Variants in IQSEC1 observed in about 807,000 individuals in gnomAD.
The protein encoded by IQSEC1 is IQ motif and SEC7 domain-containing protein 1.
A neutral mutation model predicts 91.0 loss-of-function variants in IQSEC1; 31 were observed. That is an observed-to-expected ratio of 0.34 (90% CI 0.26 to 0.46). The LOEUF (loss-of-function observed/expected upper bound fraction) is 0.46. Among genes scored for constraint, IQSEC1 ranks in the 20% least tolerant of loss-of-function variants. The probability of loss-of-function intolerance (pLI) is 1.00; values close to 1 mark genes in which losing one functional copy is unlikely to be tolerated. For missense variants in IQSEC1, 1,388 were observed against 1,575.6 expected, an observed-to-expected ratio of 0.88 and a Z score of 2.02; for synonymous variants, 699 against 662.6, an observed-to-expected ratio of 1.05 and a Z score of -0.84.
At chr3:13,179,667 C>G (rs1158094139) in intron 1 of IQSEC1, among the ~76,000 whole-genome samples, 1 of 152,290 alleles carries the variant, frequency 6.6e-6, no homozygotes, top group African/African-American at 2.4e-5. Flanking sequence ...CTTGAGGAGC[C>G]CTTCAGCCTG....
At chr3:13,275,627 T>C (rs1695664150) in intron 1 of IQSEC1, among the ~76,000 whole-genome samples, 1 of 152,246 alleles carries the variant, frequency 6.6e-6, no homozygotes, top group Admixed American at 6.5e-5. Context: ...AGGAAGCCTC[T>C]GCTGACACCC....
intron 1 of IQSEC1, among the ~76,000 whole-genome samples, chr3:13,025,573 C>A (rs752808031): frequency 4.3e-4 from 66 of 152,298 alleles, no homozygotes; most frequent in African/African-American, 1.4e-3. Context: ...GGCCTCTAGG[C>A]CTTGCTGAAT....
In IQSEC1 at chr3:12,897,926, G is replaced by A. The variant is rs1575817265; in HGVS notation, c.*3057C>T. 6.6e-6 allele frequency: 1 copy of A among 152,302 alleles called. No individual in the cohort carries two copies. Among genetic ancestry groups the A allele is most frequent in the East Asian group, 1.9e-4 (1 of 5,190 alleles). The allele number at this position is 152,302 out of a possible 1,614,324, so 9.4% of individuals were successfully genotyped here. A position where few individuals can be genotyped will look rare whatever the true frequency, so the allele number is the denominator to read the frequency against. ...TTTTACATTGTTGTACAATTCATTG[G>A]TAAACTTAAAAAAATACAAATACAT... On this transcript the variant is annotated 3_prime_UTR_variant, in exon 14 of 14. Coordinates refer to ENST00000613206, the MANE Select transcript of IQSEC1 (RefSeq NM_001134382.3).
In IQSEC1 at chr3:12,900,945, A is replaced by AGGTGTTTCAGGGAGCCT; in HGVS notation, c.*21_*37dup. 1 of 1,538,936 alleles carries AGGTGTTTCAGGGAGCCT rather than the reference A, an allele frequency of 6.5e-7. No homozygotes were observed. The highest frequency in any genetic ancestry group is 8.7e-7 in the Non-Finnish European group (1 of 1,146,236). On this transcript the variant is annotated 3_prime_UTR_variant, in exon 14 of 14. Transcript: ENST00000613206. ...CCCGGGCGTGCCCTGTGTGGTGTGC[A>AGGTGTTTCAGGGAGCCT]GGTGTTTCAGGGAGCCTGGGACCCC...
intron 2 of IQSEC1, among the ~76,000 whole-genome samples, chr3:13,127,565 C>A (rs1706538194): frequency 1.6e-5 from 2 of 124,512 alleles, no homozygotes; most frequent in African/African-American, 3.9e-5. Context: ...AGTGAGTCCT[C>A]CTATTTATTT....
At chr3:13,262,960 G>A (rs576087234) in intron 1 of IQSEC1, among the ~76,000 whole-genome samples, 2 of 152,268 alleles carry the variant, frequency 1.3e-5, no homozygotes, top group African/African-American at 4.8e-5. Context: ...TCTGGAGCTC[G>A]GTGGTGAACA....
intron 2 of IQSEC1, among the ~76,000 whole-genome samples, chr3:13,090,998 T>C (rs1191199163): frequency 6.6e-6 from 1 of 152,142 alleles, no homozygotes; most frequent in East Asian, 1.9e-4. Context: ...GGAAGATTAA[T>C]TTGGATTTGG....
At chr3:13,115,915 C>T (rs1706327354) in intron 2 of IQSEC1, among the ~76,000 whole-genome samples, 1 of 152,228 alleles carries the variant, frequency 6.6e-6, no homozygotes. Context: ...TTCCCATTCT[C>T]CAGCAACCAA....
intron 2 of IQSEC1, among the ~76,000 whole-genome samples, chr3:13,122,584 G>C (rs1300903050): frequency 6.6e-6 from 1 of 152,142 alleles, no homozygotes; most frequent in Non-Finnish European, 1.5e-5. Flanking sequence ...AGTGAGGTAG[G>C]GGCAGTGTGT....
chr3:12,915,852 C>T (rs1696034648), intron 6 of IQSEC1, 119 bp from the exon 7 acceptor site: 2 of 1,153,654 alleles, frequency 1.7e-6, no homozygotes, highest in African/African-American at 3.1e-5. Context: ...AAAGAACTCC[C>T]AGGCAGGCCC....
At chr3:12,920,827 C>T (rs944688465) in intron 5 of IQSEC1, among the ~76,000 whole-genome samples, 1 of 152,210 alleles carries the variant, frequency 6.6e-6, no homozygotes, top group Non-Finnish European at 1.5e-5. Flanking sequence ...GGGAGGACTA[C>T]ATTTCCCAGC....
chr3:13,257,582 G>C (rs942536157), intron 1 of IQSEC1, among the ~76,000 whole-genome samples: 3 of 152,138 alleles, frequency 2.0e-5, no homozygotes, highest in Non-Finnish European at 4.4e-5. Flanking sequence ...CATCTTCCTC[G>C]TTTGAGCTCA....
chr3:13,224,895 A>G (rs28397040), intron 1 of IQSEC1, among the ~76,000 whole-genome samples: 32,825 of 152,184 alleles, frequency 0.22, 5,304 homozygotes, highest in African/African-American at 0.44. Flanking sequence ...TCAGCAAAGC[A>G]TACCGGATGC....
At chr3:13,124,776 TC>T (rs11340110) in intron 2 of IQSEC1, among the ~76,000 whole-genome samples, 74,248 of 151,824 alleles carry the variant, frequency 0.49, 20,185 homozygotes, top group African/African-American at 0.74. Flanking sequence ...AGCTCCTGGA[TC>T]CCCCCCAGAC....
intron 1 of IQSEC1, among the ~76,000 whole-genome samples, chr3:12,986,672 G>A (rs1464609640): frequency 6.6e-6 from 1 of 152,200 alleles, no homozygotes; most frequent in African/African-American, 2.4e-5. Context: ...AGGCACCAGG[G>A]TCTAGGGGGC....
At chr3:13,184,037 A>G (rs1478694008) in intron 1 of IQSEC1, among the ~76,000 whole-genome samples, 2 of 152,258 alleles carry the variant, frequency 1.3e-5, no homozygotes, top group African/African-American at 4.8e-5. Flanking sequence ...ATATTCTGAT[A>G]AAGACAACTC....
chr3:13,228,610 C>A (rs1052939716), intron 1 of IQSEC1, among the ~76,000 whole-genome samples: 4 of 152,202 alleles, frequency 2.6e-5, no homozygotes, highest in Admixed American at 6.5e-5. Context: ...TTTTTGAAAT[C>A]TTTAAAGCCT....
At chr3:13,096,445 G>A (rs1286491699) in intron 2 of IQSEC1, among the ~76,000 whole-genome samples, 2 of 152,196 alleles carry the variant, frequency 1.3e-5, no homozygotes, top group African/African-American at 2.4e-5. Context: ...TAGGGCACAC[G>A]CCCTTCCCAG....
At chr3:13,111,151 T>C (rs1411989406) in intron 2 of IQSEC1, among the ~76,000 whole-genome samples, 1 of 152,192 alleles carries the variant, frequency 6.6e-6, no homozygotes, top group African/African-American at 2.4e-5. Context: ...CCAGGTACCA[T>C]ACAGCTGAGT....
Sources: gnomAD v4.1 joint callset for allele counts (sites outside exome capture counted in the v4.1 genomes callset) on GRCh38, gnomAD v4.1.1 for gene constraint, MANE v1.5 for transcripts, NCBI Gene and HGNC (gene_info 2026-07-23, HGNC 2026-07-21) for gene names.